LRRC9: variants seen among roughly 807,000 people sequenced by gnomAD.
The protein encoded by LRRC9 is leucine rich repeat containing 9.
LRRC9 carries 122 observed loss-of-function variants against 63.2 expected under a neutral mutation model. That is an observed-to-expected ratio of 1.93 (90% CI 1.67 to 2.24). The LOEUF (loss-of-function observed/expected upper bound fraction) is 2.24. Ranked by LOEUF, LRRC9 falls within the 30% of genes most tolerant of loss-of-function variation. The probability of loss-of-function intolerance (pLI) is 0.00; values close to 1 mark genes in which losing one functional copy is unlikely to be tolerated. For missense variants in LRRC9, 1,071 were observed against 627.7 expected, an observed-to-expected ratio of 1.71 and a Z score of -7.55; for synonymous variants, 366 against 213.1, an observed-to-expected ratio of 1.72 and a Z score of -6.25.
rs219420 is a variant in LRRC9 at position 60,042,225 on chromosome 14, C to T, written c.3990+10162C>T. Among the ~76,000 whole-genome samples the T allele has an allele frequency of 0.75, 113,528 of 152,128 alleles. 44,491 individuals carry two copies. The highest frequency in any genetic ancestry group is 0.87 in the Non-Finnish European group (59,029 of 67,996). On this transcript the variant is annotated intron_variant, in intron 29 of 31. Coordinates refer to ENST00000445360, the Ensembl canonical transcript of LRRC9. The surrounding 1 kb of genome is among the most constrained non-coding windows in gnomAD (Gnocchi z 4.2). ...GACCCACTTGAGGAGGCAGTCTGTC[C>T]GTTCTCAGATCTCAAACTCCATGCT...
rs1342382638 is a variant in LRRC9 at position 59,947,136 on chromosome 14, GTTC to G, written c.882+2395_882+2397del. On this transcript the variant is annotated intron_variant, in intron 8 of 31. Coordinates refer to ENST00000445360, the Ensembl canonical transcript of LRRC9. The stretch of plus-strand genomic sequence containing the variant: ...ACAGTCCCACCAACAGTGTAAAAGT[GTTC>G]TTATTTCTCCACATCCTCTCCAGCA... Among the ~76,000 whole-genome samples, 5 of 151,170 alleles carry G rather than the reference GTTC, an allele frequency of 3.3e-5. No individual in the cohort carries two copies. In the East Asian group the frequency reaches 9.8e-4, roughly 30 times the overall value.
chr14:59,946,004 A>C (rs930516046), intron 8 of LRRC9, among the ~76,000 whole-genome samples: 1 of 151,904 alleles, frequency 6.6e-6, no homozygotes, highest in Non-Finnish European at 1.5e-5. Context: ...TATGTATAAC[A>C]GCATAAAAAT....
chr14:60,057,353 A>T (rs1566914538), intron 30 of LRRC9, among the ~76,000 whole-genome samples: 1 of 152,188 alleles, frequency 6.6e-6, no homozygotes, highest in African/African-American at 2.4e-5. Flanking sequence ...AGAGAGTTTT[A>T]CTACATTCAC....
intron 29 of LRRC9, 55 bp downstream of exon 29, chr14:60,032,118 T>C: frequency 3.0e-6 from 2 of 667,348 alleles, no homozygotes; most frequent in Admixed American, 2.3e-5. Flanking sequence ...TTTTATAAAA[T>C]TTATTTTTAT....
At chr14:60,047,800 T>C (rs1054811050) in intron 29 of LRRC9, among the ~76,000 whole-genome samples, 1 of 152,186 alleles carries the variant, frequency 6.6e-6, no homozygotes, top group Non-Finnish European at 1.5e-5. Flanking sequence ...GTGGATCTGA[T>C]AGATATCTAC....
Position 60,014,386 on chromosome 14 carries a change from T to C in LRRC9, c.3187-2274T>C, listed in dbSNP as rs186894390. On this transcript the variant is annotated intron_variant, in intron 23 of 31. Coordinates refer to ENST00000445360, the Ensembl canonical transcript of LRRC9. ...TCTTTCCTGGCATTCCAAGATTCCT[T>C]TTTTTTTTCTTTCCATTTCAAAAAC... Among the ~76,000 whole-genome samples the C allele has an allele frequency of 9.1e-4, 136 of 149,308 alleles. 1 individual carries two copies. The East Asian group carries it at 0.015, about 16-fold the overall frequency.
In LRRC9 at chr14:60,004,221, C is replaced by A. The variant is rs1441743105; in HGVS notation, c.2842+423C>A. Among the ~76,000 whole-genome samples, 1 of 152,032 alleles carries A rather than the reference C, an allele frequency of 6.6e-6. No individual in the cohort carries two copies. The highest frequency in any genetic ancestry group is 1.5e-5 in the Non-Finnish European group (1 of 67,972). On this transcript the variant is annotated intron_variant, in intron 21 of 31. Transcript: ENST00000445360. The surrounding 1 kb of genome is among the most constrained non-coding windows in gnomAD (Gnocchi z 4.8). Reference sequence around the variant, plus strand: ...TCTGTTACCAAACATTAGCACATACCAACTAGTTAGTCATTAATGTCTGTA... The same window carrying A: ...TCTGTTACCAAACATTAGCACATACAAACTAGTTAGTCATTAATGTCTGTA...
At chr14:59,999,671 T>C (rs1889157882) in intron 19 of LRRC9, among the ~76,000 whole-genome samples, 1 of 152,098 alleles carries the variant, frequency 6.6e-6, no homozygotes, top group Non-Finnish European at 1.5e-5. Flanking sequence ...ACCTTTGTTA[T>C]CCATATTAAG....
intron 29 of LRRC9, among the ~76,000 whole-genome samples, chr14:60,036,643 C>T (rs563397965): frequency 2.1e-4 from 32 of 152,056 alleles, no homozygotes; most frequent in Non-Finnish European, 3.8e-4. Context: ...ATCTGTCACA[C>T]AATTTTAATT....
At position 59,956,793 on chromosome 14, in the gene LRRC9, A is replaced by G. The variant is rs117520703; in HGVS notation, c.883-3025A>G. 3.4e-3 allele frequency among the ~76,000 whole-genome samples: 515 copies of G among 151,752 alleles called. 19 individuals carry two copies. In the East Asian group the frequency reaches 0.059, roughly 17 times the overall value. On this transcript the variant is annotated intron_variant, in intron 8 of 31. Transcript: ENST00000445360. ...GATGGTACTGGTTTTTCCTTTCTCTATTTAGTGCTTCCTCTTGTAAGGCAG... is the reference window on the plus strand; with the variant it reads ...GATGGTACTGGTTTTTCCTTTCTCTGTTTAGTGCTTCCTCTTGTAAGGCAG...
chr14:59,991,912 C>G (rs1033527713), intron 17 of LRRC9, among the ~76,000 whole-genome samples: 2 of 152,198 alleles, frequency 1.3e-5, no homozygotes, highest in African/African-American at 4.8e-5. Context: ...CAAAAGGCAG[C>G]AGAATCCTCT....
intron 27 of LRRC9, among the ~76,000 whole-genome samples, chr14:60,023,224 T>C (rs1004211118): frequency 6.6e-6 from 1 of 152,096 alleles, no homozygotes; most frequent in African/African-American, 2.4e-5. Flanking sequence ...ATTATAATTA[T>C]GTATCATTGA....
chr14:59,928,048 T>A (rs1006761484), intron 2 of LRRC9, 57 bp downstream of exon 2: 3 of 661,664 alleles, frequency 4.5e-6, no homozygotes, highest in Non-Finnish European at 5.4e-6. Context: ...AAATGGAAAG[T>A]TTTTATGCTC....
intron 19 of LRRC9, among the ~76,000 whole-genome samples, chr14:60,001,112 A>T (rs1460049566): frequency 6.6e-6 from 1 of 152,190 alleles, no homozygotes; most frequent in Non-Finnish European, 1.5e-5. Context: ...AATATGAAGT[A>T]AAAGTGTAAT....
Position 59,927,007 on chromosome 14 carries a change from A to T in LRRC9, c.-33-904A>T, listed in dbSNP as rs917304411. ...CATTTTTTCTTTTCCATTTTTGCCT[A>T]GATCTCTCCCATCCAGCTTTACATT... On this transcript the variant is annotated intron_variant, in intron 1 of 31. Coordinates refer to ENST00000445360, the Ensembl canonical transcript of LRRC9. The surrounding 1 kb of genome is among the most constrained non-coding windows in gnomAD (Gnocchi z 4.4). Among the ~76,000 whole-genome samples, 2 of 152,122 alleles carry T rather than the reference A, an allele frequency of 1.3e-5. No homozygotes were observed. The highest frequency in any genetic ancestry group is 2.9e-5 in the Non-Finnish European group (2 of 67,976).
At chr14:60,012,119 G>A (rs1890306723) in intron 23 of LRRC9, among the ~76,000 whole-genome samples, 2 of 152,260 alleles carry the variant, frequency 1.3e-5, no homozygotes, top group South Asian at 4.1e-4. Context: ...AAAAGTGGGT[G>A]CAGAGGTAGG....
rs1465585698 is a variant in LRRC9, at chr14:59,922,805, T to A, written c.-34+2922T>A. Among the ~76,000 whole-genome samples, 1 of 152,176 alleles carries A rather than the reference T, an allele frequency of 6.6e-6. No homozygotes were observed. The highest frequency in any genetic ancestry group is 1.9e-4 in the East Asian group (1 of 5,204). On this transcript the variant is annotated intron_variant, in intron 1 of 31. Transcript: ENST00000445360. This position sits in a 1 kb window ranked among gnomAD's most constrained non-coding sequence, Gnocchi z 5.3. ...AATGTCATGAATCTCGAGTCTCTAG[T>A]CCCACTCTCCTAGGAGAGGAAATTG...
intron 15 of LRRC9, among the ~76,000 whole-genome samples, 162 bp downstream of exon 15, chr14:59,978,294 AT>A: frequency 6.6e-6 from 1 of 152,210 alleles, no homozygotes; most frequent in Admixed American, 6.5e-5. Flanking sequence ...GTCAACTAAT[AT>A]TTTTTAGGCA....
At chr14:59,943,805 A>G (rs1236464453) in intron 7 of LRRC9, among the ~76,000 whole-genome samples, 2 of 152,084 alleles carry the variant, frequency 1.3e-5, no homozygotes, top group East Asian at 1.9e-4. Flanking sequence ...AGTAAATTTC[A>G]TAAGAAAAGA....
Sources: gnomAD v4.1 joint callset for allele counts (sites outside exome capture counted in the v4.1 genomes callset) on GRCh38, gnomAD v4.1.1 for gene constraint, Gnocchi (gnomAD v3.1) non-coding constraint, MANE v1.5 for transcripts, NCBI Gene and HGNC (gene_info 2026-07-23, HGNC 2026-07-21) for gene names.